CACNA2D3: variants seen among roughly 807,000 people sequenced by gnomAD.
The protein encoded by CACNA2D3 is calcium voltage-gated channel auxiliary subunit alpha2delta 3, also known as voltage-dependent calcium channel subunit alpha-2/delta-3.
Under a neutral mutation model 160.6 loss-of-function variants are expected in CACNA2D3, and 60 were observed. The ratio of observed to expected loss-of-function variants is 0.37; its 90% CI spans 0.30 to 0.46. The LOEUF (loss-of-function observed/expected upper bound fraction) is 0.46. Among genes scored for constraint, CACNA2D3 ranks in the 20% least tolerant of loss-of-function variants. CACNA2D3 has a pLI of 1.00. For missense variants in CACNA2D3, 1,205 were observed against 1,365.0 expected, an observed-to-expected ratio of 0.88 and a Z score of 1.85; for synonymous variants, 558 against 492.9, an observed-to-expected ratio of 1.13 and a Z score of -1.75.
At chr3:54,993,260 A>G (rs545347990) in intron 31 of CACNA2D3, among the ~76,000 whole-genome samples, 1 of 152,384 alleles carries the variant, frequency 6.6e-6, no homozygotes, top group East Asian at 1.9e-4. Flanking sequence ...GACAGCAAGG[A>G]TAACACTCTG....
chr3:54,798,104 A>G (rs541581080), intron 13 of CACNA2D3, among the ~76,000 whole-genome samples: 1 of 152,348 alleles, frequency 6.6e-6, no homozygotes, highest in South Asian at 2.1e-4. Flanking sequence ...ATCAAATATT[A>G]TCTGTCTTAG....
At chr3:54,247,934 T>C (rs946975298) in intron 2 of CACNA2D3, among the ~76,000 whole-genome samples, 4 of 152,172 alleles carry the variant, frequency 2.6e-5, no homozygotes, top group African/African-American at 9.7e-5. Flanking sequence ...AATATATTAA[T>C]ATTTGGTAAA....
At chr3:55,037,981 G>T (rs1703867530) in intron 35 of CACNA2D3, among the ~76,000 whole-genome samples, 1 of 152,318 alleles carries the variant, frequency 6.6e-6, no homozygotes, top group African/African-American at 2.4e-5. Context: ...TTGAGTCTGA[G>T]ATGTAGTTGT....
intron 27 of CACNA2D3, among the ~76,000 whole-genome samples, chr3:54,945,216 A>T (rs541287647): frequency 6.6e-6 from 1 of 152,136 alleles, no homozygotes; most frequent in Non-Finnish European, 1.5e-5. Context: ...TTTCAGGAAT[A>T]TATAAGTTGG....
At chr3:54,541,062 G>A (rs1211620910) in intron 5 of CACNA2D3, among the ~76,000 whole-genome samples, 2 of 152,018 alleles carry the variant, frequency 1.3e-5, no homozygotes, top group African/African-American at 2.4e-5. Context: ...CAGATCACGA[G>A]GTCAGGATAT....
At chr3:54,816,675 T>G (rs929718253) in intron 13 of CACNA2D3, among the ~76,000 whole-genome samples, 178 bp from the exon 14 acceptor site, 1 of 152,212 alleles carries the variant, frequency 6.6e-6, no homozygotes, top group Non-Finnish European at 1.5e-5. Context: ...AGAAAGCAGG[T>G]CAAATAATCA....
At chr3:54,189,406 A>G (rs780973559) in intron 2 of CACNA2D3, among the ~76,000 whole-genome samples, 49 of 152,204 alleles carry the variant, frequency 3.2e-4, no homozygotes, top group Non-Finnish European at 8.8e-5. Flanking sequence ...CCTTAAGACC[A>G]TTTAGGGACA....
intron 4 of CACNA2D3, among the ~76,000 whole-genome samples, chr3:54,496,141 A>G (rs7612077): frequency 0.98 from 148,707 of 152,334 alleles, 72,664 homozygotes; most frequent in East Asian, 1. Context: ...GTGGGCATAT[A>G]TTCTCATTTC....
At chr3:54,664,689 GC>G (rs1295884607) in intron 11 of CACNA2D3, among the ~76,000 whole-genome samples, 1 of 152,202 alleles carries the variant, frequency 6.6e-6, no homozygotes, top group African/African-American at 2.4e-5. Context: ...AGGTGCCAAG[GC>G]CATTTCGTGG....
chr3:54,958,717 A>T lies in CACNA2D3; in HGVS notation c.2450-9733A>T, dbSNP rs115478195. Reference sequence around the variant, plus strand: ...GGATACAAACTGTCTCAATTCTCTCAGGGCTAAGTATGCAACAGAGATCAC... The same window carrying T: ...GGATACAAACTGTCTCAATTCTCTCTGGGCTAAGTATGCAACAGAGATCAC... On this transcript the variant is annotated intron_variant, in intron 27 of 37. Transcript: ENST00000474759. Among the ~76,000 whole-genome samples, 1,334 of 152,300 alleles carry T rather than the reference A, an allele frequency of 8.8e-3. 14 individuals carry two copies. The highest frequency in any genetic ancestry group is 0.014 in the Non-Finnish European group (961 of 68,024).
chr3:54,215,937 T>C (rs1381873502), intron 2 of CACNA2D3, among the ~76,000 whole-genome samples: 1 of 152,070 alleles, frequency 6.6e-6, no homozygotes. Flanking sequence ...ACGATCGTGA[T>C]TGTGGAAGGT....
intron 16 of CACNA2D3, among the ~76,000 whole-genome samples, chr3:54,841,814 A>G (rs1243231102): frequency 2.6e-5 from 4 of 152,230 alleles, no homozygotes; most frequent in Non-Finnish European, 5.9e-5. Flanking sequence ...TCATTAGCCC[A>G]GACTCTCCAG....
intron 7 of CACNA2D3, 40 bp downstream of exon 7, chr3:54,569,895 A>T (rs1282227934): frequency 6.2e-7 from 1 of 1,611,550 alleles, no homozygotes; most frequent in South Asian, 1.1e-5. Flanking sequence ...TCTCAAAGAG[A>T]TATCTTGAAG....
intron 13 of CACNA2D3, among the ~76,000 whole-genome samples, chr3:54,799,357 A>G (rs1029807777): frequency 2.6e-5 from 4 of 152,124 alleles, no homozygotes; most frequent in African/African-American, 9.7e-5. Context: ...TATGACAAAA[A>G]CTGTTTATAT....
intron 3 of CACNA2D3, among the ~76,000 whole-genome samples, chr3:54,370,909 C>G (rs1698916132): frequency 6.7e-6 from 1 of 150,150 alleles, no homozygotes; most frequent in African/African-American, 2.4e-5. Flanking sequence ...CCCTAGGCAT[C>G]CACAAATCTT....
intron 2 of CACNA2D3, among the ~76,000 whole-genome samples, chr3:54,232,356 G>A (rs11917042): frequency 0.1 from 15,184 of 152,126 alleles, 895 homozygotes; most frequent in Non-Finnish European, 0.13. Flanking sequence ...GAGTGGGTTG[G>A]GTGGTAGTAT....
At chr3:54,646,632 A>G (rs567874042) in intron 11 of CACNA2D3, among the ~76,000 whole-genome samples, 10 of 152,160 alleles carry the variant, frequency 6.6e-5, no homozygotes, top group Non-Finnish European at 1.5e-4. Context: ...TATATGTACC[A>G]CATTTTCTGT....
chr3:54,491,058 T>C (rs888678452), intron 4 of CACNA2D3, among the ~76,000 whole-genome samples: 1 of 152,200 alleles, frequency 6.6e-6, no homozygotes, highest in African/African-American at 2.4e-5. Flanking sequence ...CTATATTCTC[T>C]CTCTCTCTCC....
intron 9 of CACNA2D3, among the ~76,000 whole-genome samples, chr3:54,620,131 C>T (rs60929134): frequency 0.047 from 7,086 of 152,154 alleles, 531 homozygotes; most frequent in African/African-American, 0.16. Flanking sequence ...CTGGAAGTCT[C>T]ACTGAGGAGT....
Sources: gnomAD v4.1 joint callset for allele counts (sites outside exome capture counted in the v4.1 genomes callset) on GRCh38, gnomAD v4.1.1 for gene constraint, MANE v1.5 for transcripts, NCBI Gene and HGNC (gene_info 2026-07-23, HGNC 2026-07-21) for gene names.